The following ANO3 variants were observed in gnomAD, a reference collection of about 807,000 sequenced individuals.
The protein encoded by ANO3 is anoctamin-3.
In ANO3, 99 loss-of-function variants were observed where a neutral mutation model predicts 144.8. That is an observed-to-expected ratio of 0.68 (90% CI 0.58 to 0.81). ANO3 has a LOEUF of 0.81. Ranked by LOEUF, ANO3 falls within the 30% of genes least tolerant of loss-of-function variation. ANO3 has a pLI of 0.00. For synonymous variants in ANO3, 414 were observed against 392.6 expected (o/e 1.05, Z -0.64); for missense variants, 905 against 1,202.2 (o/e 0.75, Z 3.66).
chr11:26,509,617 T>G (rs1330320218), intron 5 of ANO3, among the ~76,000 whole-genome samples: 1 of 152,110 alleles, frequency 6.6e-6, no homozygotes, highest in Non-Finnish European at 1.5e-5. Flanking sequence ...CCGGCGCTAC[T>G]ATTGGGTTTT....
intron 16 of ANO3, among the ~76,000 whole-genome samples, 164 bp from the exon 17 acceptor site, chr11:26,599,386 A>G (rs1341609135): frequency 6.6e-6 from 1 of 152,200 alleles, no homozygotes; most frequent in African/African-American, 2.4e-5. Flanking sequence ...ATTTGTTTTG[A>G]CTAGAATATA....
chr11:26,385,746 T>C (rs1856707292), intron 1 of ANO3, among the ~76,000 whole-genome samples: 1 of 149,440 alleles, frequency 6.7e-6, no homozygotes, highest in African/African-American at 2.5e-5. Flanking sequence ...GTGCACATAC[T>C]TGAGAAGGGG....
intron 10 of ANO3, among the ~76,000 whole-genome samples, chr11:26,538,845 A>G (rs184772106): frequency 1.4e-3 from 207 of 152,304 alleles, no homozygotes; most frequent in African/African-American, 4.9e-3. Flanking sequence ...AAATGGGCTC[A>G]GGAATTTTCT....
chr11:26,566,220 CGT>C (rs946039275), intron 14 of ANO3, among the ~76,000 whole-genome samples: 8 of 151,756 alleles, frequency 5.3e-5, no homozygotes, highest in African/African-American at 1.9e-4. Flanking sequence ...CACACATACA[CGT>C]ATATTTAAAA....
intron 4 of ANO3, among the ~76,000 whole-genome samples, chr11:26,478,287 C>G (rs1156838641): frequency 6.6e-6 from 1 of 152,172 alleles, no homozygotes; most frequent in Non-Finnish European, 1.5e-5. Context: ...ACCTTGATCA[C>G]ATGTCTATTC....
rs972590442 is a variant in ANO3, at chr11:26,572,340, A to T, written c.1447+12561A>T. On this transcript the variant is annotated intron_variant, in intron 14 of 26. Coordinates refer to ENST00000256737, the MANE Select transcript of ANO3 (RefSeq NM_031418.4). Reference sequence around the variant, plus strand: ...CCAGTTTTCATAGGTTGATCGTTTTAGCTTTGGGACAAGGTATTACTCTCG... The same window carrying T: ...CCAGTTTTCATAGGTTGATCGTTTTTGCTTTGGGACAAGGTATTACTCTCG... 13 of 700,706 alleles carry T rather than the reference A, an allele frequency of 1.9e-5. No homozygotes were observed. The African/African-American group carries it at 2.5e-4, about 14-fold the overall frequency. 43.4% of individuals were successfully genotyped at this position (700,706 alleles called of 1,614,324 possible).
At chr11:26,547,392 C>T in intron 11 of ANO3, 24 bp from the exon 12 acceptor site, 2 of 1,608,046 alleles carry the variant, frequency 1.2e-6, no homozygotes, top group Non-Finnish European at 1.7e-6. Context: ...TTAACTCAGT[C>T]TAAGGATTTG....
chr11:26,486,150 C>T (rs944381236), intron 4 of ANO3, among the ~76,000 whole-genome samples: 1 of 151,946 alleles, frequency 6.6e-6, no homozygotes, highest in African/African-American at 2.4e-5. Context: ...ATCATGAGGT[C>T]AGGAGTTCAA....
intron 20 of ANO3, among the ~76,000 whole-genome samples, chr11:26,636,139 G>C (rs1288839631): frequency 6.6e-6 from 1 of 152,182 alleles, no homozygotes; most frequent in East Asian, 1.9e-4. Flanking sequence ...GTTCGAGGAT[G>C]CAGTGAGCCA....
At chr11:26,493,007 C>A (rs1009619786) in intron 4 of ANO3, among the ~76,000 whole-genome samples, 1 of 152,152 alleles carries the variant, frequency 6.6e-6, no homozygotes, top group African/African-American at 2.4e-5. Flanking sequence ...CAATTCTTAG[C>A]ACATAATAGA....
intron 6 of ANO3, among the ~76,000 whole-genome samples, chr11:26,522,001 G>A (rs1334813443): frequency 6.6e-6 from 1 of 152,146 alleles, no homozygotes; most frequent in African/African-American, 2.4e-5. Context: ...TGGCTAACAC[G>A]GTGAAACTCC....
intron 3 of ANO3, among the ~76,000 whole-genome samples, chr11:26,448,109 G>C (rs1321248661): frequency 1.3e-5 from 2 of 152,038 alleles, no homozygotes; most frequent in Non-Finnish European, 2.9e-5. Flanking sequence ...AGACCAGCCT[G>C]ACCAACATGG....
At chr11:26,263,202 C>A (rs568891242) in intron 1 of ANO3, among the ~76,000 whole-genome samples, 6 of 152,148 alleles carry the variant, frequency 3.9e-5, no homozygotes, top group Non-Finnish European at 8.8e-5. Flanking sequence ...GAATCAAGAT[C>A]TTTTCTTAAT....
At chr11:26,525,945 T>C (rs190288798) in intron 7 of ANO3, among the ~76,000 whole-genome samples, 3,350 of 148,164 alleles carry the variant, frequency 0.023, 63 homozygotes, top group Non-Finnish European at 0.035. Flanking sequence ...AGTTCACATG[T>C]TATGATATTT....
chr11:26,227,112 G>T (rs1427224991), intron 1 of ANO3, among the ~76,000 whole-genome samples: 1 of 152,096 alleles, frequency 6.6e-6, no homozygotes, highest in Non-Finnish European at 1.5e-5. Flanking sequence ...CAACCATGTT[G>T]TTACATGTGT....
At chr11:26,653,175 G>T (rs559810829) in intron 24 of ANO3, among the ~76,000 whole-genome samples, 1 of 152,156 alleles carries the variant, frequency 6.6e-6, no homozygotes, top group Non-Finnish European at 1.5e-5. Flanking sequence ...TCCACTGTCT[G>T]CTTGGCATCT....
chr11:26,227,855 A>G (rs938348029), intron 1 of ANO3, among the ~76,000 whole-genome samples: 2 of 152,234 alleles, frequency 1.3e-5, no homozygotes, highest in Non-Finnish European at 2.9e-5. Context: ...CACTTTTAAC[A>G]TAATTTAAAT....
chr11:26,537,842 T>G (rs1356928746), intron 10 of ANO3, among the ~76,000 whole-genome samples: 1 of 152,196 alleles, frequency 6.6e-6, no homozygotes, highest in East Asian at 1.9e-4. Context: ...CACAAAAACC[T>G]ATAGCCAATT....
chr11:26,342,691 C>G (rs937273756), intron 1 of ANO3, among the ~76,000 whole-genome samples: 2 of 152,124 alleles, frequency 1.3e-5, no homozygotes, highest in Non-Finnish European at 2.9e-5. Flanking sequence ...TTATAAAATG[C>G]CAGTAGTTCC....
Sources: gnomAD v4.1 joint callset for allele counts (sites outside exome capture counted in the v4.1 genomes callset) on GRCh38, gnomAD v4.1.1 for gene constraint, MANE v1.5 for transcripts, NCBI Gene and HGNC (gene_info 2026-07-23, HGNC 2026-07-21) for gene names.